The following DCLK2 variants were observed in gnomAD, a reference collection of about 807,000 sequenced individuals.
The protein encoded by DCLK2 is doublecortin like kinase 2.
DCLK2 carries 31 observed loss-of-function variants against 78.4 expected under a neutral mutation model. The observed-to-expected ratio is 0.40, with a 90% CI of 0.30 to 0.53. DCLK2 has a LOEUF of 0.53. Among genes scored for constraint, DCLK2 ranks in the 20% least tolerant of loss-of-function variants. The pLI, the probability that DCLK2 is intolerant of heterozygous loss-of-function variation, is 0.61. For missense variants in DCLK2, 872 were observed against 973.7 expected, an observed-to-expected ratio of 0.90 and a Z score of 1.39; for synonymous variants, 407 against 374.9, an observed-to-expected ratio of 1.09 and a Z score of -0.99.
chr4:150,153,826 G>C (rs931055793), intron 2 of DCLK2, among the ~76,000 whole-genome samples: 1 of 152,100 alleles, frequency 6.6e-6, no homozygotes, highest in Non-Finnish European at 1.5e-5. Context: ...GCTAGATCTA[G>C]CTGTGCTAGA....
rs775079994 is a variant in DCLK2, at chr4:150,248,402, C to T, written c.1956+17C>T. ...TGGGTGTCAGTAAGTACCCACATTC[C>T]CAGGGAATGGGCCTCACTGTGCTCT... On this transcript the variant is annotated intron_variant, in intron 14 of 15. Coordinates refer to ENST00000296550, the MANE Select transcript of DCLK2 (RefSeq NM_001040260.4). 4 of 1,607,738 alleles carry T rather than the reference C, an allele frequency of 2.5e-6. No individual in the cohort carries two copies. The highest frequency in any genetic ancestry group is 3.4e-6 in the Non-Finnish European group (4 of 1,174,462).
intron 2 of DCLK2, among the ~76,000 whole-genome samples, chr4:150,169,605 CA>C (rs1560829291): frequency 6.8e-6 from 1 of 146,064 alleles, no homozygotes; most frequent in Non-Finnish European, 1.5e-5. Context: ...TGCAGTGAGC[CA>C]AGATCGCACC....
At chr4:150,187,178 G>T (rs759536491) in intron 2 of DCLK2, among the ~76,000 whole-genome samples, 7 of 151,874 alleles carry the variant, frequency 4.6e-5, no homozygotes, top group South Asian at 2.1e-4. Context: ...ATTTATTTTT[G>T]ATTTTTGAGA....
chr4:150,254,972 C>T (rs1744455715), intron 15 of DCLK2, among the ~76,000 whole-genome samples: 1 of 152,134 alleles, frequency 6.6e-6, no homozygotes, highest in South Asian at 2.1e-4. Context: ...GCCACTGCAC[C>T]CGGCCAGAAA....
chr4:150,173,288 G>T (rs1026350270), intron 2 of DCLK2, among the ~76,000 whole-genome samples: 12 of 152,094 alleles, frequency 7.9e-5, no homozygotes, highest in African/African-American at 2.7e-4. Flanking sequence ...AAAACCAGCC[G>T]ACTCGACAGG....
chr4:150,246,686 G>A (rs1743339961), intron 12 of DCLK2, among the ~76,000 whole-genome samples: 1 of 152,210 alleles, frequency 6.6e-6, no homozygotes, highest in Admixed American at 6.5e-5. Context: ...AAGTGAGGGG[G>A]CTGTGGAGGT....
chr4:150,189,220 A>G (rs1738200539), intron 2 of DCLK2, among the ~76,000 whole-genome samples: 1 of 140,636 alleles, frequency 7.1e-6, no homozygotes, highest in Non-Finnish European at 1.5e-5. Context: ...ATTAAACTGC[A>G]GTAGATACAT....
intron 2 of DCLK2, among the ~76,000 whole-genome samples, chr4:150,157,890 C>G (rs11723944): frequency 0.35 from 53,632 of 151,998 alleles, 10,021 homozygotes; most frequent in African/African-American, 0.49. Flanking sequence ...CAGCCTCCCA[C>G]AGTGCTGGGA....
intron 5 of DCLK2, among the ~76,000 whole-genome samples, chr4:150,209,048 C>T (rs1208044331): frequency 6.6e-6 from 1 of 152,194 alleles, no homozygotes. Context: ...TAAACACTAC[C>T]AGCCCCAAGG....
In DCLK2 at chr4:150,170,789, T is replaced by G. The variant is rs183757027; in HGVS notation, c.757-22349T>G. ...TGGTATTTATTTGATCCTTCATTCT[T>G]GGAAAAAAACCTGTACAACATGACT... On this transcript the variant is annotated intron_variant, in intron 2 of 15. Coordinates refer to ENST00000296550, the MANE Select transcript of DCLK2 (RefSeq NM_001040260.4). 5.8e-3 allele frequency among the ~76,000 whole-genome samples: 875 copies of G among 151,546 alleles called. 7 individuals are homozygous for G. Among genetic ancestry groups the G allele is most frequent in the African/African-American group, 0.02 (823 of 40,826 alleles).
intron 2 of DCLK2, among the ~76,000 whole-genome samples, chr4:150,123,628 G>C (rs923680686): frequency 6.6e-6 from 1 of 152,182 alleles, no homozygotes; most frequent in Non-Finnish European, 1.5e-5. Context: ...GCCTCATACA[G>C]GGTTGCCACG....
intron 1 of DCLK2, among the ~76,000 whole-genome samples, chr4:150,080,111 G>GGCCCCCC (rs1729138253): frequency 7.7e-6 from 1 of 129,552 alleles, no homozygotes; most frequent in Non-Finnish European, 1.8e-5. Flanking sequence ...AGTCTCAAAA[G>GGCCCCCC]CCCCCCCCCC....
intron 2 of DCLK2, among the ~76,000 whole-genome samples, chr4:150,153,317 T>C (rs1735022973): frequency 6.6e-6 from 1 of 152,204 alleles, no homozygotes; most frequent in South Asian, 2.1e-4. Context: ...TCAGGAGTGC[T>C]TGATATGATC....
chr4:150,101,771 A>G (rs1435249786), intron 1 of DCLK2, among the ~76,000 whole-genome samples: 3 of 152,186 alleles, frequency 2.0e-5, no homozygotes, highest in Admixed American at 6.5e-5. Flanking sequence ...TGAGTAATGA[A>G]CACATCATTT....
At chr4:150,186,894 ATGTGTG>A (rs10683241) in intron 2 of DCLK2, among the ~76,000 whole-genome samples, 6,215 of 147,490 alleles carry the variant, frequency 0.042, 390 homozygotes, top group African/African-American at 0.14. Flanking sequence ...CTATCTCAAA[ATGTGTG>A]TGTGTGTGTG....
At chr4:150,151,744 G>A (rs1283049457) in intron 2 of DCLK2, among the ~76,000 whole-genome samples, 1 of 152,100 alleles carries the variant, frequency 6.6e-6, no homozygotes, top group Admixed American at 6.6e-5. Context: ...GGCCAACATA[G>A]TGAAACCCCG....
At chr4:150,172,448 A>C (rs1031343078) in intron 2 of DCLK2, among the ~76,000 whole-genome samples, 2 of 147,468 alleles carry the variant, frequency 1.4e-5, no homozygotes, top group African/African-American at 4.9e-5. Context: ...CGAAAAATAC[A>C]AAAAAAAAAT....
intron 9 of DCLK2, 98 bp from the exon 10 acceptor site, chr4:150,232,584 C>T: frequency 8.5e-6 from 13 of 1,526,742 alleles, no homozygotes; most frequent in Non-Finnish European, 1.1e-5. Flanking sequence ...TTTAGTGGCA[C>T]TTGTGTCATT....
chr4:150,087,671 T>C (rs1366207782), intron 1 of DCLK2, among the ~76,000 whole-genome samples: 1 of 152,230 alleles, frequency 6.6e-6, no homozygotes, highest in Non-Finnish European at 1.5e-5. Context: ...AGACTGAGTT[T>C]GGACACCCAG....
Sources: allele counts gnomAD v4.1 joint callset (sites outside exome capture counted in the v4.1 genomes callset), GRCh38; gene constraint gnomAD v4.1.1; transcripts MANE v1.5; gene names NCBI Gene and HGNC (gene_info 2026-07-23, HGNC 2026-07-21).